The following BRI3BP variants were observed in gnomAD, a reference collection of about 807,000 sequenced individuals.
BRI3BP encodes the protein BRI3 binding protein.
In BRI3BP, 7 loss-of-function variants were observed where a neutral mutation model predicts 15.8. The ratio of observed to expected loss-of-function variants is 0.44; its 90% CI spans 0.25 to 0.83. BRI3BP has a LOEUF of 0.83. BRI3BP is among the 40% of genes least tolerant of loss of function. The pLI is 0.20. For synonymous variants in BRI3BP, 192 were observed against 163.5 expected (o/e 1.17, Z -1.33); for missense variants, 320 against 339.3 (o/e 0.94, Z 0.45).
intron 1 of BRI3BP, among the ~76,000 whole-genome samples, chr12:125,009,794 A>G (rs1335986640): frequency 6.6e-6 from 1 of 152,124 alleles, no homozygotes; most frequent in African/African-American, 2.4e-5. Flanking sequence ...CGTGGAGTCA[A>G]TACTTCTGTT....
At chr12:125,036,914 C>T in the BRI3BP span, among the ~76,000 whole-genome samples, 3 of 152,212 alleles carry the variant, frequency 2.0e-5, no homozygotes, top group African/African-American at 4.8e-5. Flanking sequence ...TCACCAAATA[C>T]TGAGTATGCT....
chr12:124,995,896 G>A (rs147875453), intron 1 of BRI3BP, among the ~76,000 whole-genome samples: 1 of 152,266 alleles, frequency 6.6e-6, no homozygotes, highest in Non-Finnish European at 1.5e-5. Context: ...ACAGCATCCA[G>A]AGGCTGACCT....
At chr12:125,000,377 A>G (rs1470914590) in intron 1 of BRI3BP, among the ~76,000 whole-genome samples, 2 of 146,586 alleles carry the variant, frequency 1.4e-5, no homozygotes, top group African/African-American at 5.1e-5. Context: ...GCAGTGGCGC[A>G]ATCTCGGCTC....
chr12:125,008,375 C>T (rs1182207558), intron 1 of BRI3BP, among the ~76,000 whole-genome samples: 2 of 144,334 alleles, frequency 1.4e-5, no homozygotes, highest in Non-Finnish European at 3.0e-5. Flanking sequence ...TGCAGTGGCG[C>T]GATCTCGGCT....
chr12:125,001,992 A>G (rs554993178), intron 1 of BRI3BP, among the ~76,000 whole-genome samples: 1 of 152,260 alleles, frequency 6.6e-6, no homozygotes, highest in South Asian at 2.1e-4. Context: ...GGAGTCCTGT[A>G]CAGTCTGGCC....
In BRI3BP at chr12:125,025,290, C is replaced by T. The variant is rs1271176062; in HGVS notation, c.616C>T (p.Arg206Ter). 1 of 1,614,024 alleles carries T rather than the reference C, an allele frequency of 6.2e-7. No homozygotes were observed. The highest frequency in any genetic ancestry group is 1.3e-5 in the African/African-American group (1 of 75,056). ...GACCGGGCCCATGGGCTTCTACTGGCGAAGCAGTCCCAGCGGCCCCAGCAA... is the reference window on the plus strand; with the variant it reads ...GACCGGGCCCATGGGCTTCTACTGGTGAAGCAGTCCCAGCGGCCCCAGCAA... ...FMTGPMGFYW[R>*]SSPSGPSNPS... The change falls in exon 3 of 3, where the codon CGA becomes TGA. Residue 206 changes from arginine to a stop codon, truncating the protein, a stop_gained. Coordinates refer to ENST00000341446, the MANE Select transcript of BRI3BP (RefSeq NM_080626.6). LOFTEE classifies it high-confidence loss of function.
chr12:125,020,481 T>C (rs929717323), intron 2 of BRI3BP, among the ~76,000 whole-genome samples: 7 of 152,188 alleles, frequency 4.6e-5, no homozygotes, highest in African/African-American at 9.6e-5. Flanking sequence ...ACCATCACTT[T>C]TGGGGTTAGG....
At chr12:125,018,528 C>T (rs914326226) in intron 2 of BRI3BP, among the ~76,000 whole-genome samples, 3 of 152,000 alleles carry the variant, frequency 2.0e-5, no homozygotes, top group Admixed American at 6.6e-5. Flanking sequence ...CTGGCAGTCA[C>T]GGAGTGCCAA....
rs61379857 is a variant in BRI3BP, at chr12:124,993,835, C to CCTGCTGCTG, written c.66_74dup (p.Leu23_Leu25dup). The CCTGCTGCTG allele has an allele frequency of 4.0e-4, 465 of 1,148,824 alleles. 2 individuals are homozygous for CCTGCTGCTG. Among genetic ancestry groups the CCTGCTGCTG allele is most frequent in the South Asian group, 2.2e-3 (64 of 29,570 alleles). 71.2% of individuals were successfully genotyped at this position (1,148,824 alleles called of 1,614,324 possible). On this transcript the variant is annotated inframe_insertion, in exon 1 of 3. Transcript: ENST00000341446. ...GCGGGCCCCTGGCCCGGGCCGGGCT[C>CCTGCTGCTG]CTGCTGCTGCTGCTGCTGCTGCTGC...
At chr12:125,045,023 CTGG>C in the BRI3BP span, among the ~76,000 whole-genome samples, 1 of 152,174 alleles carries the variant, frequency 6.6e-6, no homozygotes, top group Non-Finnish European at 1.5e-5. Flanking sequence ...CTTCCAATCA[CTGG>C]TGAATTAAAA....
chr12:125,011,077 G>C (rs1955193133), intron 1 of BRI3BP, among the ~76,000 whole-genome samples: 1 of 137,942 alleles, frequency 7.2e-6, no homozygotes, highest in Admixed American at 8.0e-5. Flanking sequence ...CGGAGTGACA[G>C]AGCGAGACCC....
At chr12:125,039,377 A>G in the BRI3BP span, among the ~76,000 whole-genome samples, 4 of 152,100 alleles carry the variant, frequency 2.6e-5, no homozygotes, top group African/African-American at 9.7e-5. Flanking sequence ...ATCCTTTGCT[A>G]GGATTCATCT....
chr12:125,048,755 A>C, the BRI3BP span, among the ~76,000 whole-genome samples: 9 of 151,970 alleles, frequency 5.9e-5, no homozygotes, highest in African/African-American at 2.2e-4. Flanking sequence ...GTTTGGACCC[A>C]TTGGAATAGG....
chr12:125,047,212 G>A, the BRI3BP span, among the ~76,000 whole-genome samples: 2 of 151,660 alleles, frequency 1.3e-5, no homozygotes, highest in Admixed American at 6.6e-5. Context: ...GCAGTGGCGC[G>A]ATCTCGGCTC....
chr12:124,995,672 G>C (rs1180636469), intron 1 of BRI3BP, among the ~76,000 whole-genome samples: 1 of 151,954 alleles, frequency 6.6e-6, no homozygotes, highest in Non-Finnish European at 1.5e-5. Flanking sequence ...ATAATCTTAT[G>C]TAATCCTTAG....
chr12:125,050,868 C>G, the BRI3BP span, among the ~76,000 whole-genome samples: 1 of 152,112 alleles, frequency 6.6e-6, no homozygotes, highest in African/African-American at 2.4e-5. Flanking sequence ...TGTGTGTGCG[C>G]GCAAGTAAGA....
chr12:125,010,391 T>C (rs1053929238), intron 1 of BRI3BP, among the ~76,000 whole-genome samples: 3 of 152,040 alleles, frequency 2.0e-5, no homozygotes, highest in African/African-American at 7.2e-5. Context: ...ACCTCTGAGG[T>C]TATTGGCATT....
rs1214696224 is a variant in BRI3BP at position 125,029,222 on chromosome 12, A to G, written c.*3792A>G. 1 of 151,968 alleles carries G rather than the reference A, an allele frequency of 6.6e-6. No homozygotes were observed. Among genetic ancestry groups the G allele is most frequent in the Non-Finnish European group, 1.5e-5 (1 of 68,018 alleles). The allele number at this position is 151,968 out of a possible 1,614,324, so 9.4% of individuals were successfully genotyped here. On this transcript the variant is annotated 3_prime_UTR_variant, in exon 3 of 3. Transcript: ENST00000341446. The stretch of plus-strand genomic sequence containing the variant: ...TGTGGAGTGCAAACCTTTCATAAAT[A>G]TACTTTCCAGGCTGGGTGCAGTGGC...
chr12:125,042,567 C>T, the BRI3BP span, among the ~76,000 whole-genome samples: 9 of 151,334 alleles, frequency 5.9e-5, no homozygotes, highest in African/African-American at 1.9e-4. Flanking sequence ...GTCTCACTCA[C>T]TCTGTTGCAC....
Sources: gnomAD v4.1 joint callset for allele counts (sites outside exome capture counted in the v4.1 genomes callset) on GRCh38, gnomAD v4.1.1 for gene constraint, MANE v1.5 for transcripts, NCBI Gene and HGNC (gene_info 2026-07-23, HGNC 2026-07-21) for gene names.